The following KCNIP4 variants were observed in gnomAD, a reference collection of about 807,000 sequenced individuals.
KCNIP4 encodes the protein Kv channel-interacting protein 4.
Under a neutral mutation model 34.0 loss-of-function variants are expected in KCNIP4, and 12 were observed. That is an observed-to-expected ratio of 0.35 (90% CI 0.23 to 0.57). KCNIP4 has a LOEUF of 0.57. KCNIP4 is among the 20% of genes least tolerant of loss of function. The probability of loss-of-function intolerance (pLI) is 0.83; values close to 1 mark genes in which losing one functional copy is unlikely to be tolerated. For synonymous variants in KCNIP4, 124 were observed against 102.2 expected (o/e 1.21, Z -1.29); for missense variants, 238 against 311.7 (o/e 0.76, Z 1.78).
At chr4:21,334,130 G>A (rs2109331162) in intron 1 of KCNIP4, among the ~76,000 whole-genome samples, 2 of 152,156 alleles carry the variant, frequency 1.3e-5, no homozygotes, top group East Asian at 1.9e-4. Flanking sequence ...CAGTGGCATG[G>A]TGGTTGAGAG....
intron 2 of KCNIP4, among the ~76,000 whole-genome samples, chr4:20,864,298 A>G (rs532489763): frequency 1.3e-5 from 2 of 151,392 alleles, no homozygotes; most frequent in African/African-American, 2.4e-5. Flanking sequence ...ATGTACACAT[A>G]TGTATGCATA....
At chr4:21,685,195 A>T (rs750496154) in intron 1 of KCNIP4, among the ~76,000 whole-genome samples, 1 of 152,168 alleles carries the variant, frequency 6.6e-6, no homozygotes, top group Non-Finnish European at 1.5e-5. Flanking sequence ...TTTTCTAAGG[A>T]ATTTAAAATA....
intron 1 of KCNIP4, among the ~76,000 whole-genome samples, chr4:21,857,909 G>T (rs7691548): frequency 1.3e-5 from 2 of 152,126 alleles, no homozygotes; most frequent in African/African-American, 4.8e-5. Flanking sequence ...TTGGGGTTCT[G>T]CAGTTTCTGG....
intron 1 of KCNIP4, among the ~76,000 whole-genome samples, chr4:21,354,850 T>C (rs1235070703): frequency 6.6e-6 from 1 of 152,208 alleles, no homozygotes; most frequent in Non-Finnish European, 1.5e-5. Flanking sequence ...TATACATTCT[T>C]CTCAGCACCA....
At chr4:21,607,784 C>G (rs1333766867) in intron 1 of KCNIP4, among the ~76,000 whole-genome samples, 1 of 152,094 alleles carries the variant, frequency 6.6e-6, no homozygotes, top group East Asian at 1.9e-4. Flanking sequence ...ATCTGCCTCC[C>G]TTTCTCACAG....
At chr4:20,904,101 A>G (rs1028161406) in intron 1 of KCNIP4, among the ~76,000 whole-genome samples, 3 of 152,060 alleles carry the variant, frequency 2.0e-5, no homozygotes, top group Admixed American at 6.5e-5. Flanking sequence ...CTTAAGAGTA[A>G]AAAGTGAAAG....
At chr4:20,869,089 A>G (rs1441526820) in intron 2 of KCNIP4, among the ~76,000 whole-genome samples, 4 of 152,186 alleles carry the variant, frequency 2.6e-5, no homozygotes, top group Non-Finnish European at 5.9e-5. Flanking sequence ...TAGGCAGTAC[A>G]CAGATGGAAT....
At chr4:21,106,619 T>C (rs936830386) in intron 1 of KCNIP4, among the ~76,000 whole-genome samples, 3 of 151,564 alleles carry the variant, frequency 2.0e-5, no homozygotes, top group Non-Finnish European at 4.4e-5. Context: ...CTGATTTTAG[T>C]TATTTCCTGC....
At chr4:21,873,465 T>G (rs1470434593) in intron 1 of KCNIP4, among the ~76,000 whole-genome samples, 1 of 152,162 alleles carries the variant, frequency 6.6e-6, no homozygotes, top group Non-Finnish European at 1.5e-5. Flanking sequence ...CCATCAGAAT[T>G]AAAAGAAATG....
At chr4:21,628,550 C>T (rs1413042224) in intron 1 of KCNIP4, among the ~76,000 whole-genome samples, 1 of 152,172 alleles carries the variant, frequency 6.6e-6, no homozygotes, top group African/African-American at 2.4e-5. Flanking sequence ...CTCTGCAGAT[C>T]CTTGGCTTAA....
At chr4:21,336,409 C>A (rs908289496) in intron 1 of KCNIP4, among the ~76,000 whole-genome samples, 6 of 152,056 alleles carry the variant, frequency 3.9e-5, no homozygotes, top group Middle Eastern at 3.4e-3. Context: ...GAAATGAACA[C>A]CTTCATTTTT....
At chr4:21,061,382 A>C (rs530833582) in intron 1 of KCNIP4, among the ~76,000 whole-genome samples, 62 of 152,276 alleles carry the variant, frequency 4.1e-4, no homozygotes, top group Middle Eastern at 3.4e-3. Context: ...TATAATATGC[A>C]TGCATAATTT....
chr4:20,944,551 G>C (rs1577408471), intron 1 of KCNIP4, among the ~76,000 whole-genome samples: 2 of 152,194 alleles, frequency 1.3e-5, no homozygotes, highest in African/African-American at 4.8e-5. Flanking sequence ...TCAGCCAGAT[G>C]GGTTCTTCCT....
intron 1 of KCNIP4, among the ~76,000 whole-genome samples, chr4:21,944,578 AGAG>A (rs1730398449): frequency 6.8e-6 from 1 of 147,000 alleles, no homozygotes; most frequent in Non-Finnish European, 1.5e-5. Context: ...AAAAAAAAAA[AGAG>A]AGATCTGAGA....
chr4:21,871,798 C>T (rs1040164409), intron 1 of KCNIP4, among the ~76,000 whole-genome samples: 12 of 145,028 alleles, frequency 8.3e-5, no homozygotes, highest in African/African-American at 1.8e-4. Context: ...CCCGCCTTAC[C>T]CCTGAGATTT....
intron 1 of KCNIP4, among the ~76,000 whole-genome samples, chr4:21,259,808 C>G (rs1429045863): frequency 6.6e-6 from 1 of 151,750 alleles, no homozygotes; most frequent in African/African-American, 2.4e-5. Context: ...TTCTTTCCAA[C>G]AAAAGAAACT....
intron 1 of KCNIP4, among the ~76,000 whole-genome samples, chr4:21,653,643 C>G (rs1747685025): frequency 6.6e-6 from 1 of 152,220 alleles, no homozygotes; most frequent in African/African-American, 2.4e-5. Flanking sequence ...GCATTAACAA[C>G]AGCTACTACT....
chr4:21,727,681 T>C (rs1211179171), intron 1 of KCNIP4, among the ~76,000 whole-genome samples: 2 of 151,806 alleles, frequency 1.3e-5, no homozygotes, highest in Non-Finnish European at 2.9e-5. Context: ...ATACAAAAAT[T>C]ATCCGGGTAT....
At chr4:21,190,240 C>A (rs1388062961) in intron 1 of KCNIP4, among the ~76,000 whole-genome samples, 1 of 152,142 alleles carries the variant, frequency 6.6e-6, no homozygotes, top group Non-Finnish European at 1.5e-5. Flanking sequence ...TGATTACAGA[C>A]CACTGCAGTA....
Sources: allele counts gnomAD v4.1 joint callset (sites outside exome capture counted in the v4.1 genomes callset), GRCh38; gene constraint gnomAD v4.1.1; transcripts MANE v1.5; gene names NCBI Gene and HGNC (gene_info 2026-07-23, HGNC 2026-07-21).